MOB1A: variants seen among roughly 807,000 people sequenced by gnomAD.
MOB1A encodes MOB kinase activator 1A.
MOB1A carries 10 observed loss-of-function variants against 25.1 expected under a neutral mutation model. The observed-to-expected ratio is 0.40, with a 90% confidence interval of 0.25 to 0.68. The LOEUF (loss-of-function observed/expected upper bound fraction) is 0.68, where lower values mean the gene tolerates loss of function less well. Ranked by LOEUF, MOB1A falls within the 30% of genes least tolerant of loss-of-function variation. MOB1A has a pLI of 0.40. For synonymous variants in MOB1A, 81 were observed against 79.5 expected (o/e 1.02, Z -0.10); for missense variants, 177 against 256.3 (o/e 0.69, Z 2.11).
chr2:74,158,324 A>G (rs1297792530), intron 5 of MOB1A, among the ~76,000 whole-genome samples: 3 of 152,078 alleles, frequency 2.0e-5, no homozygotes, highest in African/African-American at 4.8e-5. Flanking sequence ...ACACAAAACT[A>G]TAATACACAG....
rs182989537 is a variant in MOB1A, at chr2:74,155,748, T to C, written c.*820A>G. The C allele has an allele frequency of 6.5e-6, 1 of 152,690 alleles. No homozygotes were observed. Among genetic ancestry groups the C allele is most frequent in the Admixed American group, 6.5e-5 (1 of 15,310 alleles). 9.5% of individuals were successfully genotyped at this position (152,690 alleles called of 1,614,324 possible). ...GTTTTGAGATCTAAATTTATTAATATTTTGGATTCCTTTTCTCAGCCAAAA... is the reference window on the plus strand; with the variant it reads ...GTTTTGAGATCTAAATTTATTAATACTTTGGATTCCTTTTCTCAGCCAAAA... On this transcript the variant is annotated 3_prime_UTR_variant, in exon 6 of 6. Transcript: ENST00000396049.
rs542646818 is a variant in MOB1A at position 74,167,991 on chromosome 2, T to A, written c.182-884A>T. Reference sequence around the variant, plus strand: ...ATCTCTACAAAAATTTTTAAAAAATTAGCCAGGCGTGGTGGTGCACACCTA... The same window carrying A: ...ATCTCTACAAAAATTTTTAAAAAATAAGCCAGGCGTGGTGGTGCACACCTA... On this transcript the variant is annotated intron_variant, in intron 2 of 5. Coordinates refer to ENST00000396049, the MANE Select transcript of MOB1A (RefSeq NM_018221.5). 9.9e-5 allele frequency among the ~76,000 whole-genome samples: 15 copies of A among 152,112 alleles called. No individual in the cohort carries two copies. In the South Asian group the frequency reaches 2.9e-3, roughly 29 times the overall value.
intron 4 of MOB1A, among the ~76,000 whole-genome samples, chr2:74,163,106 A>G (rs576787289): frequency 1.3e-5 from 2 of 152,382 alleles, no homozygotes; most frequent in African/African-American, 4.8e-5. Flanking sequence ...CTTGCATAAT[A>G]GTAAGAAGGC....
At chr2:74,171,941 A>G (rs1693306834) in intron 2 of MOB1A, among the ~76,000 whole-genome samples, 1 of 152,134 alleles carries the variant, frequency 6.6e-6, no homozygotes, top group Non-Finnish European at 1.5e-5. Flanking sequence ...AAAGTTTTAA[A>G]CTTTTTATTT....
At chr2:74,174,712 A>G (rs1343417297) in intron 1 of MOB1A, among the ~76,000 whole-genome samples, 1 of 152,240 alleles carries the variant, frequency 6.6e-6, no homozygotes. Context: ...TAAAACTTTC[A>G]TAACAGAGCA....
Position 74,173,374 on chromosome 2 carries a change from CG to C in MOB1A, c.15-623del, listed in dbSNP as rs1479744242. Among the ~76,000 whole-genome samples the C allele has an allele frequency of 3.4e-5, 4 of 116,204 alleles. No homozygotes were observed. The East Asian group carries it at 1.0e-3, about 30-fold the overall frequency. The allele number at this position is 116,204 out of a possible 152,430, so 76.2% of individuals were successfully genotyped here. A position where few individuals can be genotyped will look rare whatever the true frequency, so the allele number is the denominator to read the frequency against. On this transcript the variant is annotated intron_variant, in intron 1 of 5. Coordinates refer to ENST00000396049, the MANE Select transcript of MOB1A (RefSeq NM_018221.5). ...CTGAACCTTCTTTTGGCCTCAATTTCGGTTTTTTTTTTTTTTTTTTTTTTGA... is the reference window on the plus strand; with the variant it reads ...CTGAACCTTCTTTTGGCCTCAATTTCGTTTTTTTTTTTTTTTTTTTTTTGA...
Position 74,153,787 on chromosome 2 carries a change from T to A in MOB1A, c.*2781A>T, listed in dbSNP as rs1056402472. On this transcript the variant is annotated 3_prime_UTR_variant, in exon 6 of 6. Coordinates refer to ENST00000396049, the MANE Select transcript of MOB1A (RefSeq NM_018221.5). The stretch of plus-strand genomic sequence containing the variant: ...ACACTGAGAGGAGATGGCTTCTGAT[T>A]AGCAAGGGGGAAGGGAGTGAGTGTT... 2 of 152,186 alleles carry A rather than the reference T, an allele frequency of 1.3e-5. No individual in the cohort carries two copies. Among genetic ancestry groups the A allele is most frequent in the African/African-American group, 4.8e-5 (2 of 41,426 alleles). The allele number at this position is 152,186 out of a possible 1,614,324, so 9.4% of individuals were successfully genotyped here.
chr2:74,157,608 C>T (rs1354733104), intron 5 of MOB1A, among the ~76,000 whole-genome samples: 1 of 152,128 alleles, frequency 6.6e-6, no homozygotes, highest in African/African-American at 2.4e-5. Context: ...TCTGATGCTA[C>T]CTCCAGATAG....
At chr2:74,171,533 G>T (rs1460973801) in intron 2 of MOB1A, among the ~76,000 whole-genome samples, 4 of 152,152 alleles carry the variant, frequency 2.6e-5, no homozygotes, top group Admixed American at 1.3e-4. Context: ...ACTGATATTT[G>T]TTGGAGCTGG....
intron 3 of MOB1A, among the ~76,000 whole-genome samples, chr2:74,166,253 C>G (rs1398407787): frequency 1.3e-5 from 2 of 152,052 alleles, no homozygotes; most frequent in Admixed American, 1.3e-4. Flanking sequence ...CTAGCATCTT[C>G]AAGCCAGATA....
chr2:74,171,017 C>T (rs1248639817), intron 2 of MOB1A, among the ~76,000 whole-genome samples: 3 of 152,268 alleles, frequency 2.0e-5, no homozygotes, highest in African/African-American at 4.8e-5. Context: ...CGGTGGCTCA[C>T]GCCTGTAATC....
chr2:74,173,159 A>G, intron 1 of MOB1A: 1 of 515,764 alleles, frequency 1.9e-6, no homozygotes, highest in Non-Finnish European at 3.9e-6. Flanking sequence ...ACACTCTCTG[A>G]AAAATGCCAA....
At chr2:74,174,047 C>T (rs1000247456) in intron 1 of MOB1A, among the ~76,000 whole-genome samples, 6 of 149,550 alleles carry the variant, frequency 4.0e-5, no homozygotes, top group African/African-American at 1.5e-4. Context: ...GGCAGTGGAT[C>T]ACGAGGTCAA....
At chr2:74,175,818 A>G (rs900032100) in intron 1 of MOB1A, among the ~76,000 whole-genome samples, 2 of 152,216 alleles carry the variant, frequency 1.3e-5, no homozygotes, top group Non-Finnish European at 2.9e-5. Flanking sequence ...GCAGGAGCCC[A>G]TTTTGTAAAT....
chr2:74,169,550 CA>C, intron 2 of MOB1A, among the ~76,000 whole-genome samples: 1 of 152,052 alleles, frequency 6.6e-6, no homozygotes, highest in Middle Eastern at 3.4e-3. Context: ...TTTTAATTTC[CA>C]ACAGAGTATC....
At position 74,157,453 on chromosome 2, in the gene MOB1A, C is replaced by T. The variant is rs541809111; in HGVS notation, c.574-808G>A. Among the ~76,000 whole-genome samples, 11 of 152,220 alleles carry T rather than the reference C, an allele frequency of 7.2e-5. No individual in the cohort carries two copies. In the East Asian group the frequency reaches 1.7e-3, roughly 24 times the overall value. On this transcript the variant is annotated intron_variant, in intron 5 of 5. Coordinates refer to ENST00000396049, the MANE Select transcript of MOB1A (RefSeq NM_018221.5). ...TAAGTATTTCCCTGAGTTCTATAAG[C>T]GGCTCTAGCAAACTAATCAAACCCA...
intron 1 of MOB1A, among the ~76,000 whole-genome samples, chr2:74,176,860 C>G (rs930544520): frequency 6.6e-6 from 1 of 151,898 alleles, no homozygotes; most frequent in Non-Finnish European, 1.5e-5. Context: ...TGGTGCAGCA[C>G]TTTGAAGTTT....
intron 1 of MOB1A, among the ~76,000 whole-genome samples, chr2:74,176,083 T>TACACACACACACACACACACAC (rs58496712): frequency 2.3e-5 from 3 of 129,320 alleles, no homozygotes; most frequent in African/African-American, 9.2e-5. Context: ...CCGCCTCTAC[T>TACACACACACACACACACACAC]ACACACACAC....
chr2:74,171,589 A>G (rs1451278757), intron 2 of MOB1A, among the ~76,000 whole-genome samples: 2 of 152,080 alleles, frequency 1.3e-5, no homozygotes, highest in African/African-American at 4.8e-5. Context: ...GTCTACTTTT[A>G]TATGTTTGAA....
Sources: gnomAD v4.1 joint callset for allele counts (sites outside exome capture counted in the v4.1 genomes callset) on GRCh38, gnomAD v4.1.1 for gene constraint, MANE v1.5 for transcripts, NCBI Gene and HGNC (gene_info 2026-07-23, HGNC 2026-07-21) for gene names.